Variants in PTK2 observed in about 807,000 individuals in gnomAD.
PTK2 encodes the protein focal adhesion kinase 1.
In PTK2, 45 loss-of-function variants were observed where a neutral mutation model predicts 150.1. The observed-to-expected ratio is 0.30, with a 90% CI of 0.24 to 0.38. The LOEUF (loss-of-function observed/expected upper bound fraction) is 0.38. Among genes scored for constraint, PTK2 ranks in the 10% least tolerant of loss-of-function variants. The pLI, the probability that PTK2 is intolerant of heterozygous loss-of-function variation, is 1.00. For missense variants in PTK2, 919 were observed against 1,307.3 expected (o/e 0.70, Z 4.58); for synonymous variants, 432 against 449.2 (o/e 0.96, Z 0.48).
chr8:140,889,314 C>T (rs2100153432), intron 3 of PTK2, among the ~76,000 whole-genome samples: 1 of 152,170 alleles, frequency 6.6e-6, no homozygotes, highest in Non-Finnish European at 1.5e-5. Context: ...ACTGCAACCT[C>T]TGCCTCCTGG....
At chr8:140,934,977 G>A (rs898196015) in intron 1 of PTK2, among the ~76,000 whole-genome samples, 1 of 152,172 alleles carries the variant, frequency 6.6e-6, no homozygotes, top group East Asian at 1.9e-4. Flanking sequence ...CCATTTTGAA[G>A]TTTGAATCAG....
intron 27 of PTK2, among the ~76,000 whole-genome samples, chr8:140,681,693 T>C (rs185234450): frequency 0.017 from 2,536 of 151,654 alleles, 71 homozygotes; most frequent in African/African-American, 0.056. Flanking sequence ...AGGAGAATGG[T>C]GTGAACCCGG....
At chr8:140,815,238 A>AT (rs1476878594) in intron 10 of PTK2, among the ~76,000 whole-genome samples, 1 of 152,132 alleles carries the variant, frequency 6.6e-6, no homozygotes, top group African/African-American at 2.4e-5. Flanking sequence ...AAAAAAAAGA[A>AT]TGAGATCATG....
chr8:140,692,749 A>G (rs1198050006), intron 26 of PTK2, among the ~76,000 whole-genome samples: 1 of 152,124 alleles, frequency 6.6e-6, no homozygotes, highest in Non-Finnish European at 1.5e-5. Flanking sequence ...TCCTTTCACT[A>G]TACTGTATTG....
intron 26 of PTK2, among the ~76,000 whole-genome samples, chr8:140,693,526 A>G (rs1008651890): frequency 3.0e-5 from 4 of 132,050 alleles, no homozygotes; most frequent in African/African-American, 5.6e-5. Context: ...GTGCCACTGC[A>G]CTCCAGCCAG....
At chr8:140,895,728 TG>T (rs1208497777) in intron 2 of PTK2, among the ~76,000 whole-genome samples, 1 of 152,116 alleles carries the variant, frequency 6.6e-6, no homozygotes, top group Non-Finnish European at 1.5e-5. Context: ...TTAGAATGTT[TG>T]TAACACCAAA....
rs539623919 is a variant in PTK2, at chr8:140,830,386, T to C, written c.648+86A>G. On this transcript the variant is annotated intron_variant, in intron 8 of 31. Coordinates refer to ENST00000522684, the Ensembl canonical transcript of PTK2. ...TACATGTAAGGAAGGAAACTACATT[T>C]TACTTTCCCAAAAGCAATTTACCAC... 3 of 826,386 alleles carry C rather than the reference T, an allele frequency of 3.6e-6. No individual in the cohort carries two copies. The African/African-American group carries it at 5.4e-5, about 15-fold the overall frequency. The allele number at this position is 826,386 out of a possible 1,614,324, so 51.2% of individuals were successfully genotyped here.
chr8:140,840,592 A>T (rs367856715), intron 7 of PTK2, among the ~76,000 whole-genome samples: 4 of 152,170 alleles, frequency 2.6e-5, no homozygotes, highest in East Asian at 1.9e-4. Flanking sequence ...ATAGAAGGTT[A>T]AATGTAAGGG....
intron 4 of PTK2, among the ~76,000 whole-genome samples, chr8:140,874,440 T>G (rs562095707): frequency 2.6e-5 from 4 of 152,218 alleles, no homozygotes; most frequent in Non-Finnish European, 5.9e-5. Context: ...AAGCCAGAAC[T>G]GCAGCTGCCC....
intron 27 of PTK2, among the ~76,000 whole-genome samples, chr8:140,684,187 C>T (rs780470986): frequency 2.0e-4 from 30 of 152,126 alleles, no homozygotes; most frequent in Non-Finnish European, 3.2e-4. Flanking sequence ...GGACAGGTTT[C>T]GTGGAAGACA....
chr8:140,705,961 C>A (rs987311909), intron 24 of PTK2, among the ~76,000 whole-genome samples, 158 bp downstream of exon 27: 3 of 152,238 alleles, frequency 2.0e-5, no homozygotes, highest in South Asian at 4.1e-4. Context: ...GGTGTCAAGA[C>A]AACATCATTC....
intron 31 of PTK2, 43 bp from the exon 36 acceptor site, chr8:140,659,721 T>A (rs754213478): frequency 8.1e-7 from 1 of 1,233,608 alleles, no homozygotes. Context: ...TTTCAGTGAT[T>A]TTTTTTTTTC....
intron 2 of PTK2, among the ~76,000 whole-genome samples, chr8:140,898,113 T>G (rs528343523): frequency 1.3e-5 from 2 of 152,332 alleles, no homozygotes; most frequent in East Asian, 1.9e-4. Context: ...AGACCAATAC[T>G]TTTGTAAAAT....
intron 14 of PTK2, among the ~76,000 whole-genome samples, chr8:140,783,379 T>C (rs1280440956): frequency 4.6e-5 from 7 of 152,220 alleles, no homozygotes; most frequent in Admixed American, 1.3e-4. Context: ...AGTGTCTTTA[T>C]TTCTTTATGT....
At chr8:140,676,626 G>A (rs765776867) in intron 27 of PTK2, among the ~76,000 whole-genome samples, 3 of 150,080 alleles carry the variant, frequency 2.0e-5, no homozygotes, top group African/African-American at 4.9e-5. Context: ...GGGGAACAGC[G>A]TTAAGACATT....
chr8:140,895,051 TC>T (rs1237813514), intron 2 of PTK2, among the ~76,000 whole-genome samples: 1 of 152,206 alleles, frequency 6.6e-6, no homozygotes. Flanking sequence ...ATATTCTGTG[TC>T]TAGCATTAGG....
chr8:140,932,560 T>C (rs975419910), intron 1 of PTK2, among the ~76,000 whole-genome samples: 1 of 152,190 alleles, frequency 6.6e-6, no homozygotes, highest in Non-Finnish European at 1.5e-5. Flanking sequence ...AAGCCATATC[T>C]AGTTTAATTG....
intron 16 of PTK2, among the ~76,000 whole-genome samples, chr8:140,758,802 C>T (rs962665861): frequency 2.0e-5 from 3 of 152,282 alleles, no homozygotes; most frequent in Admixed American, 2.0e-4. Flanking sequence ...TAGTCATAAT[C>T]CAGGCCTTCA....
At chr8:140,743,279 T>C (rs1236379605) in exon 20 of PTK2, 13 of 1,613,430 alleles carry the variant, frequency 8.1e-6, no homozygotes, top group Non-Finnish European at 1.1e-5. Flanking sequence ...CAAAGTCTCC[T>C]AATTTTACAC....
Sources: gnomAD v4.1 joint callset for allele counts (sites outside exome capture counted in the v4.1 genomes callset) on GRCh38, gnomAD v4.1.1 for gene constraint, MANE v1.5 for transcripts, NCBI Gene and HGNC (gene_info 2026-07-23, HGNC 2026-07-21) for gene names.